The following MYC variants were observed in gnomAD, a reference collection of about 807,000 sequenced individuals.
MYC encodes MYC proto-oncogene, bHLH transcription factor.
A neutral mutation model predicts 30.5 loss-of-function variants in MYC; 1 was observed. That is an observed-to-expected ratio of 0.03 (90% CI 0.01 to 0.16). MYC has a LOEUF of 0.16. MYC is among the 10% of genes least tolerant of loss of function. MYC has a pLI of 1.00. For synonymous variants in MYC, 267 were observed against 250.7 expected (o/e 1.07, Z -0.62); for missense variants, 508 against 589.0 (o/e 0.86, Z 1.42).
chr8:127,736,916 C>A (rs1468226365), intron 1 of MYC, among the ~76,000 whole-genome samples: 1 of 152,178 alleles, frequency 6.6e-6, no homozygotes, highest in East Asian at 1.9e-4. Flanking sequence ...CCCGGCCGGT[C>A]GGACATTCCT....
In MYC at chr8:127,736,514, A is replaced by G. The variant is rs576124632; in HGVS notation, c.-80A>G. Reference sequence around the variant, plus strand: ...GCGACTCTCCCGACGCGGGGAGGCTATTCTGCCCATTTGGGGACACTTCCC... The same window carrying G: ...GCGACTCTCCCGACGCGGGGAGGCTGTTCTGCCCATTTGGGGACACTTCCC... On this transcript the variant is annotated 5_prime_UTR_variant, in exon 1 of 3. Coordinates refer to ENST00000621592, the MANE Select transcript of MYC (RefSeq NM_002467.6). The G allele has an allele frequency of 4.3e-5, 65 of 1,513,628 alleles. No homozygotes were observed. In the South Asian group the frequency reaches 4.9e-4, roughly 11 times the overall value. The allele number at this position is 1,513,628 out of a possible 1,614,324, so 93.8% of individuals were successfully genotyped here.
Position 127,736,395 on chromosome 8 carries a change from C to T in MYC, c.-199C>T, listed in dbSNP as rs1426305969. 19 of 620,924 alleles carry T rather than the reference C, an allele frequency of 3.1e-5. 1 individual carries two copies. The highest frequency in any genetic ancestry group is 4.3e-4 in the Middle Eastern group (1 of 2,346). 38.5% of individuals were successfully genotyped at this position (620,924 alleles called of 1,614,324 possible). On this transcript the variant is annotated 5_prime_UTR_variant, in exon 1 of 3. Transcript: ENST00000621592. ...CCCAGCCCTCCCGCTGATCCCCCAG[C>T]CAGCGGTCCGCAACCCTTGCCGCAT...
Position 127,738,938 on chromosome 8 carries a change from TCGA to T in MYC, c.724_726del (p.Thr242del), listed in dbSNP as rs761912973. 6.2e-6 allele frequency: 10 copies of T among 1,602,220 alleles called. No homozygotes were observed. The South Asian group carries it at 1.1e-4, about 18-fold the overall frequency. ...TCCGTCCTCGGATTCTCTGCTCTCC[TCGA>T]CGGAGTCCTCCCCGCAGGGCAGCCC... is the stretch of plus-strand genomic sequence containing the variant. On this transcript the variant is annotated inframe_deletion, in exon 2 of 3. Coordinates refer to ENST00000621592, the MANE Select transcript of MYC (RefSeq NM_002467.6). The surrounding 1 kb of genome is among the most constrained non-coding windows in gnomAD (Gnocchi z 7.6).
Position 127,740,556 on chromosome 8 carries a change from G to A in MYC, c.963G>A (p.Gln321=), listed in dbSNP as rs777976423. 14 of 1,613,918 alleles carry A rather than the reference G, an allele frequency of 8.7e-6. No homozygotes were observed. The highest frequency in any genetic ancestry group is 1.3e-5 in the African/African-American group (1 of 74,864). The change falls in exon 3 of 3, where the codon CAG becomes CAA. Residue 321 remains glutamine (Q), a synonymous_variant. Coordinates refer to ENST00000621592, the MANE Select transcript of MYC (RefSeq NM_002467.6). The stretch of plus-strand genomic sequence containing the variant: ...AGAGGTGCCACGTCTCCACACATCA[G>A]CACAACTACGCAGCGCCTCCCTCCA...
Position 127,738,984 on chromosome 8 carries a change from A to G in MYC, c.767A>G (p.His256Arg), listed in dbSNP as rs750374321. ...GGCAGCCCCGAGCCCCTGGTGCTCC[A>G]TGAGGAGACACCGCCCACCACCAGC... is the stretch of plus-strand genomic sequence containing the variant. Residue 256 changes from histidine to arginine, a missense_variant, in exon 2 of 3, where the codon CAT (histidine) becomes CGT (arginine). By Grantham distance (29) the His-to-Arg change is conservative. Transcript: ENST00000621592. This position sits in a 1 kb window ranked among gnomAD's most constrained non-coding sequence, Gnocchi z 7.6. The G allele has an allele frequency of 3.2e-6, 5 of 1,540,016 alleles. No individual in the cohort carries two copies. The highest frequency in any genetic ancestry group is 2.3e-5 in the East Asian group (1 of 44,226).
At chr8:127,737,765 A>G (rs1405017577) in intron 1 of MYC, among the ~76,000 whole-genome samples, 1 of 151,802 alleles carries the variant, frequency 6.6e-6, no homozygotes, top group African/African-American at 2.4e-5. Flanking sequence ...CTAGGGCGCG[A>G]GTGGGAACAG....
Position 127,740,718 on chromosome 8 carries a change from C to G in MYC, c.1125C>G (p.Asn375Lys), listed in dbSNP as rs777230092. Residue 375 changes from asparagine (N) to lysine (K), a missense_variant, in exon 3 of 3, where the codon AAC (asparagine) becomes AAG (lysine). By Grantham distance (94) the Asn-to-Lys change is moderately conservative. Transcript: ENST00000621592. ...AGAATGTCAAGAGGCGAACACACAACGTCTTGGAGCGCCAGAGGAGGAACG... is the reference window on the plus strand; with the variant it reads ...AGAATGTCAAGAGGCGAACACACAAGGTCTTGGAGCGCCAGAGGAGGAACG... The G allele has an allele frequency of 1.2e-6, 2 of 1,613,950 alleles. No homozygotes were observed. Among genetic ancestry groups the G allele is most frequent in the Non-Finnish European group, 1.7e-6 (2 of 1,180,024 alleles).
chr8:127,736,481 G>C lies in MYC; in HGVS notation c.-113G>C. 1 of 1,219,696 alleles carries C rather than the reference G, an allele frequency of 8.2e-7. No individual in the cohort carries two copies. Among genetic ancestry groups the C allele is most frequent in the Non-Finnish European group, 1.2e-6 (1 of 847,252 alleles). 75.6% of individuals were successfully genotyped at this position (1,219,696 alleles called of 1,614,324 possible). A position where few individuals can be genotyped will look rare whatever the true frequency, so the allele number is the denominator to read the frequency against. ...TTGCACTGGAACTTACAACACCCGA[G>C]CAAGGACGCGACTCTCCCGACGCGG... On this transcript the variant is annotated 5_prime_UTR_variant, in exon 1 of 3. Transcript: ENST00000621592.
Position 127,740,830 on chromosome 8 carries a change from A to C in MYC, c.1237A>C (p.Lys413Gln), listed in dbSNP as rs2130107284. 1 of 1,614,176 alleles carries C rather than the reference A, an allele frequency of 6.2e-7. No individual in the cohort carries two copies. The highest frequency in any genetic ancestry group is 8.5e-7 in the Non-Finnish European group (1 of 1,180,038). Residue 413 changes from lysine (K) to glutamine (Q), a missense_variant, in exon 3 of 3, where the codon AAA becomes CAA. Lys to Gln is a moderately conservative substitution (Grantham distance 53, BLOSUM62 1). Around this residue, in one of 5 missense-constraint regions of MYC, gnomAD observed 40 missense variants for 78.4 expected, o/e 0.51. Coordinates refer to ENST00000621592, the MANE Select transcript of MYC (RefSeq NM_002467.6). ...GGCCCCCAAGGTAGTTATCCTTAAA[A>C]AAGCCACAGCATACATCCTGTCCGT...
intron 1 of MYC, 69 bp downstream of exon 1, chr8:127,736,692 G>A (rs985890826): frequency 2.6e-6 from 4 of 1,521,628 alleles, no homozygotes; most frequent in Admixed American, 1.7e-5. Context: ...TGAGTCGAAT[G>A]CCTAAATAGG....
rs369195017 is a variant in MYC at position 127,740,772 on chromosome 8, T to C, written c.1179T>C (p.Arg393=). The change falls in exon 3 of 3, where the codon CGT becomes CGC. Residue 393 remains arginine, a synonymous_variant. Coordinates refer to ENST00000621592, the MANE Select transcript of MYC (RefSeq NM_002467.6). The stretch of plus-strand genomic sequence containing the variant: ...TAAAACGGAGCTTTTTTGCCCTGCG[T>C]GACCAGATCCCGGAGTTGGAAAACA... The C allele has an allele frequency of 1.9e-6, 3 of 1,613,946 alleles. No individual in the cohort carries two copies. Among genetic ancestry groups the C allele is most frequent in the African/African-American group, 2.7e-5 (2 of 74,858 alleles).
chr8:127,741,990 TG>T lies in MYC; in HGVS notation c.*1033del, dbSNP rs1391398654. On this transcript the variant is annotated 3_prime_UTR_variant, in exon 3 of 3. Coordinates refer to ENST00000621592, the MANE Select transcript of MYC (RefSeq NM_002467.6). ...GAAATAGAAGAGCTCAAAGAGGTTATGTAACTTATCTGTAGCCACGCAGATA... is the reference window on the plus strand; with the variant it reads ...GAAATAGAAGAGCTCAAAGAGGTTATTAACTTATCTGTAGCCACGCAGATA... Among the ~76,000 whole-genome samples the T allele has an allele frequency of 5.9e-5, 9 of 152,376 alleles. No individual in the cohort carries two copies. The East Asian group carries it at 1.7e-3, about 29-fold the overall frequency.
At position 127,740,688 on chromosome 8, in the gene MYC, C is replaced by T. The variant is rs1458848207; in HGVS notation, c.1095C>T (p.Thr365=). The stretch of plus-strand genomic sequence containing the variant: ...GCACCAGCCCCAGGTCCTCGGACAC[C>T]GAGGAGAATGTCAAGAGGCGAACAC... Residue 365 remains threonine, a synonymous_variant, in exon 3 of 3, where the codon ACC becomes ACT. Coordinates refer to ENST00000621592, the MANE Select transcript of MYC (RefSeq NM_002467.6). The T allele has an allele frequency of 1.2e-6, 2 of 1,613,978 alleles. No homozygotes were observed. The highest frequency in any genetic ancestry group is 1.7e-6 in the Non-Finnish European group (2 of 1,180,004).
chr8:127,740,186 C>T (rs888233180), intron 2 of MYC, among the ~76,000 whole-genome samples: 1 of 152,052 alleles, frequency 6.6e-6, no homozygotes, highest in Non-Finnish European at 1.5e-5. Flanking sequence ...CTCTCCTGAC[C>T]TCACGATCCG....
At chr8:127,736,882 C>T (rs561567635) in intron 1 of MYC, among the ~76,000 whole-genome samples, 6 of 152,266 alleles carry the variant, frequency 3.9e-5, no homozygotes, top group African/African-American at 1.4e-4. Context: ...AGATTTCTGC[C>T]TTATGAATAT....
chr8:127,738,413 A>G lies in MYC; in HGVS notation c.196A>G (p.Lys66Glu). 1 of 1,613,372 alleles carries G rather than the reference A, an allele frequency of 6.2e-7. No homozygotes were observed. Among genetic ancestry groups the G allele is most frequent in the Non-Finnish European group, 8.5e-7 (1 of 1,179,670 alleles). Residue 66 changes from lysine (K) to glutamate (E), a missense_variant, in exon 2 of 3, where the codon AAG becomes GAG. Transcript: ENST00000621592. The surrounding 1 kb of genome is among the most constrained non-coding windows in gnomAD (Gnocchi z 7.6). ...CCCGGCGCCCAGCGAGGATATCTGG[A>G]AGAAATTCGAGCTGCTGCCCACCCC... is the stretch of plus-strand genomic sequence containing the variant.
Position 127,736,469 on chromosome 8 carries a change from T to C in MYC, c.-125T>C, listed in dbSNP as rs931948337. 13 of 1,108,524 alleles carry C rather than the reference T, an allele frequency of 1.2e-5. No homozygotes were observed. The African/African-American group carries it at 1.2e-4, about 11-fold the overall frequency. The allele number at this position is 1,108,524 out of a possible 1,614,324, so 68.7% of individuals were successfully genotyped here. A position where few individuals can be genotyped will look rare whatever the true frequency, so the allele number is the denominator to read the frequency against. On this transcript the variant is annotated 5_prime_UTR_variant, in exon 1 of 3. Coordinates refer to ENST00000621592, the MANE Select transcript of MYC (RefSeq NM_002467.6). ...CGGGCGGGCACTTTGCACTGGAACT[T>C]ACAACACCCGAGCAAGGACGCGACT... is the stretch of plus-strand genomic sequence containing the variant.
chr8:127,740,590 G>T lies in MYC; in HGVS notation c.997G>T (p.Asp333Tyr), dbSNP rs2130104135. Residue 333 changes from aspartate (D) to tyrosine (Y), a missense_variant, in exon 3 of 3, where the codon GAC (aspartate) becomes TAC (tyrosine). By Grantham distance (160) the Asp-to-Tyr change is radical. Transcript: ENST00000621592. ...CGCAGCGCCTCCCTCCACTCGGAAGGACTATCCTGCTGCCAAGAGGGTCAA... is the reference window on the plus strand; with the variant it reads ...CGCAGCGCCTCCCTCCACTCGGAAGTACTATCCTGCTGCCAAGAGGGTCAA... 1.2e-6 allele frequency: 2 copies of T among 1,613,998 alleles called. No homozygotes were observed. The highest frequency in any genetic ancestry group is 8.5e-7 in the Non-Finnish European group (1 of 1,179,988).
upstream of MYC, chr8:127,735,489 T>A: frequency 5.0e-6 from 2 of 399,442 alleles, no homozygotes; most frequent in Non-Finnish European, 8.8e-6. Context: ...TGCTGGGTTA[T>A]TTTAATCATT....
Sources: gnomAD v4.1 joint callset for allele counts (sites outside exome capture counted in the v4.1 genomes callset) on GRCh38, gnomAD v4.1.1 for gene constraint, gnomAD v4.1.1 regional missense constraint, Gnocchi (gnomAD v3.1) non-coding constraint, MANE v1.5 for transcripts, NCBI Gene and HGNC (gene_info 2026-07-23, HGNC 2026-07-21) for gene names.